PRKG1: variants seen among roughly 807,000 people sequenced by gnomAD.
PRKG1 encodes the protein cGMP-dependent protein kinase 1.
A neutral mutation model predicts 88.1 loss-of-function variants in PRKG1; 35 were observed. The observed-to-expected ratio is 0.40, with a 90% CI of 0.30 to 0.53. The LOEUF (loss-of-function observed/expected upper bound fraction) is 0.53, where lower values mean the gene tolerates loss of function less well. PRKG1 is among the 20% of genes least tolerant of loss of function. The probability of loss-of-function intolerance (pLI) is 0.59; values close to 1 mark genes in which losing one functional copy is unlikely to be tolerated. For synonymous variants in PRKG1, 303 were observed against 292.5 expected (o/e 1.04, Z -0.37); for missense variants, 540 against 839.8 (o/e 0.64, Z 4.41).
intron 5 of PRKG1, among the ~76,000 whole-genome samples, chr10:51,965,252 T>A (rs568472412): frequency 6.6e-6 from 1 of 152,282 alleles, no homozygotes; most frequent in Non-Finnish European, 1.5e-5. Flanking sequence ...CCCTCTGATA[T>A]GCCCCAGTTG....
intron 5 of PRKG1, among the ~76,000 whole-genome samples, chr10:51,943,830 T>C (rs1417809512): frequency 1.3e-5 from 2 of 152,054 alleles, no homozygotes; most frequent in Non-Finnish European, 2.9e-5. Flanking sequence ...GATAAGCTTC[T>C]TGAGGTGCTG....
intron 3 of PRKG1, among the ~76,000 whole-genome samples, chr10:51,489,703 G>A (rs187222736): frequency 6.6e-6 from 1 of 152,256 alleles, no homozygotes; most frequent in African/African-American, 2.4e-5. Context: ...GCAATGTGGA[G>A]AATAAATTAG....
chr10:51,252,788 G>A (rs1256838746), intron 2 of PRKG1, among the ~76,000 whole-genome samples: 1 of 151,910 alleles, frequency 6.6e-6, no homozygotes, highest in East Asian at 1.9e-4. Context: ...GAAATGTACT[G>A]TAATGTTGTC....
intron 3 of PRKG1, among the ~76,000 whole-genome samples, chr10:51,619,637 G>A (rs564302127): frequency 6.6e-6 from 1 of 152,296 alleles, no homozygotes; most frequent in South Asian, 2.1e-4. Flanking sequence ...TGCTACAGAT[G>A]ATTGCATTAT....
intron 3 of PRKG1, among the ~76,000 whole-genome samples, chr10:51,492,977 GTAAT>G (rs1377908947): frequency 6.6e-6 from 1 of 152,084 alleles, no homozygotes; most frequent in Non-Finnish European, 1.5e-5. Context: ...CCTTGAACCA[GTAAT>G]TAGTCTGTTT....
intron 5 of PRKG1, among the ~76,000 whole-genome samples, chr10:52,018,184 T>G (rs1454226172): frequency 6.6e-6 from 1 of 152,194 alleles, no homozygotes; most frequent in Non-Finnish European, 1.5e-5. Context: ...TAACAGCTCA[T>G]AAAATGTGGT....
chr10:51,284,437 GC>G (rs1261286167), intron 2 of PRKG1, among the ~76,000 whole-genome samples: 1 of 152,080 alleles, frequency 6.6e-6, no homozygotes, highest in African/African-American at 2.4e-5. Context: ...AAAACTCAGG[GC>G]CGATTTTCCT....
At chr10:52,035,022 C>T (rs1206766918) in intron 5 of PRKG1, among the ~76,000 whole-genome samples, 2 of 152,090 alleles carry the variant, frequency 1.3e-5, no homozygotes, top group African/African-American at 4.8e-5. Flanking sequence ...CCATAAGGGA[C>T]ATAAAGGTTT....
chr10:51,385,657 T>C (rs1055541148), intron 2 of PRKG1, among the ~76,000 whole-genome samples: 3 of 152,218 alleles, frequency 2.0e-5, no homozygotes, highest in Non-Finnish European at 2.9e-5. Flanking sequence ...CCCTCATTCA[T>C]GGGATTGGCC....
At chr10:51,127,469 C>T (rs569980517) in intron 1 of PRKG1, among the ~76,000 whole-genome samples, 109 of 152,152 alleles carry the variant, frequency 7.2e-4, no homozygotes, top group Middle Eastern at 6.8e-3. Flanking sequence ...TAGATGCTGG[C>T]GAGGCTGTGG....
chr10:52,083,175 A>G lies in PRKG1; in HGVS notation c.935+20544A>G, dbSNP rs565160094. 3.3e-5 allele frequency among the ~76,000 whole-genome samples: 5 copies of G among 152,162 alleles called. No individual in the cohort carries two copies. In the East Asian group the frequency reaches 9.7e-4, roughly 29 times the overall value. On this transcript the variant is annotated intron_variant, in intron 7 of 17. Coordinates refer to ENST00000373980, the MANE Select transcript of PRKG1 (RefSeq NM_006258.4). Reference sequence around the variant, plus strand: ...AAAAATTCCATAGCACACTGTAAATAAATTCATTCTAATTTACTTAATTTG... The same window carrying G: ...AAAAATTCCATAGCACACTGTAAATGAATTCATTCTAATTTACTTAATTTG...
intron 4 of PRKG1, among the ~76,000 whole-genome samples, chr10:51,867,235 G>A (rs926195857): frequency 6.6e-6 from 1 of 152,282 alleles, no homozygotes; most frequent in East Asian, 1.9e-4. Flanking sequence ...AGACTATAAA[G>A]GCAGGTGGAA....
At chr10:51,065,052 A>G (rs1843733111) in intron 1 of PRKG1, among the ~76,000 whole-genome samples, 1 of 152,144 alleles carries the variant, frequency 6.6e-6, no homozygotes, top group Non-Finnish European at 1.5e-5. Flanking sequence ...TTGGTTAATA[A>G]TCACAGAAGT....
chr10:51,325,694 A>G (rs1841572958), intron 2 of PRKG1, among the ~76,000 whole-genome samples: 1 of 152,186 alleles, frequency 6.6e-6, no homozygotes, highest in African/African-American at 2.4e-5. Flanking sequence ...GACCCAGGCC[A>G]ATGTCCTATA....
intron 4 of PRKG1, among the ~76,000 whole-genome samples, chr10:51,888,454 G>C (rs1275692579): frequency 2.0e-5 from 3 of 152,184 alleles, no homozygotes; most frequent in Non-Finnish European, 4.4e-5. Flanking sequence ...ACTTCTGTCT[G>C]TGCTTTCATA....
intron 3 of PRKG1, among the ~76,000 whole-genome samples, chr10:51,766,723 T>C (rs1477375520): frequency 6.6e-6 from 1 of 152,036 alleles, no homozygotes; most frequent in Non-Finnish European, 1.5e-5. Context: ...CATCCAAACC[T>C]ACTTACCTAG....
intron 2 of PRKG1, among the ~76,000 whole-genome samples, chr10:51,316,251 G>T (rs1253334732): frequency 6.6e-6 from 1 of 152,116 alleles, no homozygotes; most frequent in Admixed American, 6.6e-5. Flanking sequence ...TACTTTGATT[G>T]TTGAACGAAA....
At chr10:52,102,160 A>ACAGTTTTTTT (rs1847307939) in intron 7 of PRKG1, among the ~76,000 whole-genome samples, 1 of 152,190 alleles carries the variant, frequency 6.6e-6, no homozygotes, top group Non-Finnish European at 1.5e-5. Flanking sequence ...GCCAATAAAC[A>ACAGTTTTTTT]ACTGCCTTTT....
intron 5 of PRKG1, among the ~76,000 whole-genome samples, chr10:52,037,487 G>T (rs1181289240): frequency 6.6e-6 from 1 of 152,132 alleles, no homozygotes; most frequent in Non-Finnish European, 1.5e-5. Context: ...AGAATAAGAC[G>T]GCCTTTTGAC....
Sources: allele counts gnomAD v4.1 joint callset (sites outside exome capture counted in the v4.1 genomes callset), GRCh38; gene constraint gnomAD v4.1.1; transcripts MANE v1.5; gene names NCBI Gene and HGNC (gene_info 2026-07-23, HGNC 2026-07-21).